BMPR2: variants seen among roughly 807,000 people sequenced by gnomAD.
BMPR2 encodes the protein bone morphogenetic protein receptor type 2.
Under a neutral mutation model 100.8 loss-of-function variants are expected in BMPR2, and 29 were observed. The ratio of observed to expected loss-of-function variants is 0.29; its 90% CI spans 0.21 to 0.39. The LOEUF is 0.39. BMPR2 is among the 10% of genes least tolerant of loss of function. The probability of loss-of-function intolerance (pLI) is 1.00; values close to 1 mark genes in which losing one functional copy is unlikely to be tolerated. For synonymous variants in BMPR2, 382 were observed against 442.3 expected (o/e 0.86, Z 1.71); for missense variants, 1,011 against 1,274.5 (o/e 0.79, Z 3.15).
At chr2:202,426,989 T>C (rs1691398919) in intron 1 of BMPR2, among the ~76,000 whole-genome samples, 1 of 152,192 alleles carries the variant, frequency 6.6e-6, no homozygotes, top group Non-Finnish European at 1.5e-5. Context: ...AGGCGAGATA[T>C]GATGATACTC....
At chr2:202,523,758 C>T (rs186304338) in intron 7 of BMPR2, among the ~76,000 whole-genome samples, 1 of 151,888 alleles carries the variant, frequency 6.6e-6, no homozygotes. Flanking sequence ...GAGCCAAGAT[C>T]GTGCCATTGC....
intron 1 of BMPR2, among the ~76,000 whole-genome samples, chr2:202,378,126 G>A (rs532006715): frequency 6.6e-6 from 1 of 152,310 alleles, no homozygotes; most frequent in South Asian, 2.1e-4. Context: ...TATACGGTTT[G>A]ATAACTTTAC....
chr2:202,485,918 C>T (rs2105977654), intron 3 of BMPR2, among the ~76,000 whole-genome samples: 1 of 152,114 alleles, frequency 6.6e-6, no homozygotes, highest in South Asian at 2.1e-4. Flanking sequence ...TCTCAAGATC[C>T]TTAATTGCTA....
intron 1 of BMPR2, among the ~76,000 whole-genome samples, chr2:202,448,923 TG>T (rs886282724): frequency 7.4e-5 from 9 of 121,936 alleles, no homozygotes; most frequent in Middle Eastern, 7.0e-3. Flanking sequence ...AGTTTAGAAT[TG>T]GTGTGTGTGT....
At chr2:202,484,784 G>T (rs1181303624) in intron 3 of BMPR2, among the ~76,000 whole-genome samples, 7 of 151,062 alleles carry the variant, frequency 4.6e-5, no homozygotes, top group African/African-American at 1.7e-4. Flanking sequence ...GGCTAACACG[G>T]TGAAACCCCG....
chr2:202,533,779 C>T (rs906689813), intron 9 of BMPR2, among the ~76,000 whole-genome samples: 9 of 152,018 alleles, frequency 5.9e-5, no homozygotes, highest in Admixed American at 2.6e-4. Flanking sequence ...GCTGAGATCA[C>T]GCCATGGCTC....
intron 3 of BMPR2, among the ~76,000 whole-genome samples, chr2:202,483,272 A>G (rs539582794): frequency 1.3e-5 from 2 of 152,172 alleles, no homozygotes; most frequent in South Asian, 2.1e-4. Flanking sequence ...TATCAGATAT[A>G]TGATTTGCAA....
At chr2:202,418,934 G>A (rs1311705239) in intron 1 of BMPR2, among the ~76,000 whole-genome samples, 4 of 152,168 alleles carry the variant, frequency 2.6e-5, no homozygotes, top group African/African-American at 7.2e-5. Flanking sequence ...TCAAGATATG[G>A]CAAATAAACA....
rs548351655 is a variant in BMPR2 at position 202,487,257 on chromosome 2, T to C, written c.418+19568T>C. Among the ~76,000 whole-genome samples the C allele has an allele frequency of 6.1e-4, 93 of 152,310 alleles. 1 individual carries two copies. The highest frequency in any genetic ancestry group is 2.1e-3 in the African/African-American group (87 of 41,578). On this transcript the variant is annotated intron_variant, in intron 3 of 12. Coordinates refer to ENST00000374580, the MANE Select transcript of BMPR2 (RefSeq NM_001204.7). ...TAACACTGAAAGTAACTTAGTCTGT[T>C]TTATAATAGTCATCTAGGAACTTAA...
chr2:202,530,164 T>C (rs968002908), intron 7 of BMPR2, among the ~76,000 whole-genome samples: 1 of 152,162 alleles, frequency 6.6e-6, no homozygotes, highest in African/African-American at 2.4e-5. Context: ...AAAAAAGTAA[T>C]AGAAGGAGCA....
intron 1 of BMPR2, among the ~76,000 whole-genome samples, chr2:202,395,900 G>A (rs1463976826): frequency 6.6e-6 from 1 of 152,056 alleles, no homozygotes; most frequent in Admixed American, 6.5e-5. Context: ...TTGCACCATT[G>A]CACTCCAGCC....
At chr2:202,407,272 C>T (rs1690919455) in intron 1 of BMPR2, among the ~76,000 whole-genome samples, 1 of 151,468 alleles carries the variant, frequency 6.6e-6, no homozygotes, top group Non-Finnish European at 1.5e-5. Context: ...AGAGACGGGA[C>T]TTTGCCATGT....
At chr2:202,533,020 C>T (rs190205146) in intron 9 of BMPR2, among the ~76,000 whole-genome samples, 38 of 152,226 alleles carry the variant, frequency 2.5e-4, no homozygotes, top group Non-Finnish European at 4.4e-4. Flanking sequence ...TAGCAGTAAA[C>T]ATTTTCCTTA....
At chr2:202,542,700 T>G (rs1388840438) in intron 10 of BMPR2, among the ~76,000 whole-genome samples, 2 of 152,144 alleles carry the variant, frequency 1.3e-5, no homozygotes, top group Admixed American at 6.6e-5. Flanking sequence ...TTTGCCAGAT[T>G]AGGTAACAGC....
At chr2:202,547,612 A>G (rs534406560) in intron 10 of BMPR2, among the ~76,000 whole-genome samples, 115 of 139,058 alleles carry the variant, frequency 8.3e-4, no homozygotes, top group Middle Eastern at 5.2e-3. Context: ...GTGAAACCCC[A>G]TCTCTACTAA....
chr2:202,481,974 A>G (rs1293816854), intron 3 of BMPR2, among the ~76,000 whole-genome samples: 1 of 152,194 alleles, frequency 6.6e-6, no homozygotes, highest in Non-Finnish European at 1.5e-5. Context: ...CCATTAAATA[A>G]CAACTCACTA....
chr2:202,516,732 T>G (rs1243124700), intron 5 of BMPR2, among the ~76,000 whole-genome samples: 1 of 152,168 alleles, frequency 6.6e-6, no homozygotes, highest in Non-Finnish European at 1.5e-5. Context: ...GATGTCCAAT[T>G]TACAAGGCTG....
Position 202,532,358 on chromosome 2 carries a change from A to G in BMPR2, c.1129-227A>G, listed in dbSNP as rs1310148362. ...TGATATACATAGGAAAGTCTAGCTC[A>G]TTCTTTTTGATTGATTAATAGTATT... On this transcript the variant is annotated intron_variant, in intron 8 of 12. Coordinates refer to ENST00000374580, the MANE Select transcript of BMPR2 (RefSeq NM_001204.7). The surrounding 1 kb of genome is among the most constrained non-coding windows in gnomAD (Gnocchi z 4.1). Among the ~76,000 whole-genome samples the G allele has an allele frequency of 2.6e-5, 4 of 152,280 alleles. No homozygotes were observed. In the East Asian group the frequency reaches 7.7e-4, roughly 29 times the overall value.
intron 11 of BMPR2, among the ~76,000 whole-genome samples, chr2:202,553,135 T>G (rs1053528948): frequency 6.6e-6 from 1 of 152,202 alleles, no homozygotes; most frequent in African/African-American, 2.4e-5. Flanking sequence ...CTTTCTCTAT[T>G]TATGGTCCAA....
Sources: allele counts gnomAD v4.1 joint callset (sites outside exome capture counted in the v4.1 genomes callset), GRCh38; gene constraint gnomAD v4.1.1; non-coding constraint Gnocchi (gnomAD v3.1); transcripts MANE v1.5; gene names NCBI Gene and HGNC (gene_info 2026-07-23, HGNC 2026-07-21).